Variants in CC2D2B observed in about 807,000 individuals in gnomAD.
CC2D2B encodes coiled-coil and C2 domain containing 2B.
In CC2D2B, 128 loss-of-function variants were observed where a neutral mutation model predicts 161.2. The observed-to-expected ratio is 0.79, with a 90% CI of 0.69 to 0.92. CC2D2B has a LOEUF of 0.92. Among genes scored for constraint, CC2D2B ranks in the 40% least tolerant of loss-of-function variants. CC2D2B has a pLI of 0.00. For synonymous variants in CC2D2B, 391 were observed against 449.8 expected, an observed-to-expected ratio of 0.87 and a Z score of 1.65; for missense variants, 1,173 against 1,375.1, an observed-to-expected ratio of 0.85 and a Z score of 2.32.
chr10:95,929,417 A>G (rs1294783210), intron 6 of CC2D2B, among the ~76,000 whole-genome samples: 1 of 152,086 alleles, frequency 6.6e-6, no homozygotes, highest in Non-Finnish European at 1.5e-5. Context: ...CCATTTGTCA[A>G]TTTTGGCTTT....
chr10:96,025,247 A>G (rs1342024572), intron 33 of CC2D2B, among the ~76,000 whole-genome samples: 2 of 131,198 alleles, frequency 1.5e-5, no homozygotes, highest in African/African-American at 5.9e-5. Context: ...ATATACCTGT[A>G]ATCTCAGTGA....
intron 10 of CC2D2B, 54 bp from the exon 11 acceptor site, chr10:95,955,340 C>A: frequency 2.5e-6 from 1 of 396,822 alleles, no homozygotes; most frequent in South Asian, 1.3e-4. Flanking sequence ...TGAACTGGAT[C>A]AATGGTAACA....
At chr10:95,923,954 G>A (rs910676611) in intron 3 of CC2D2B, among the ~76,000 whole-genome samples, 1 of 152,150 alleles carries the variant, frequency 6.6e-6, no homozygotes, top group African/African-American at 2.4e-5. Context: ...CCGGGAGGGG[G>A]AGGTTGCAGT....
chr10:96,002,314 T>C (rs899003851), intron 24 of CC2D2B, among the ~76,000 whole-genome samples: 2 of 152,154 alleles, frequency 1.3e-5, no homozygotes, highest in Non-Finnish European at 2.9e-5. Flanking sequence ...TCCCCTCTTC[T>C]TGTGACATTT....
chr10:96,001,589 G>A (rs1184175778), intron 24 of CC2D2B, among the ~76,000 whole-genome samples: 2 of 152,148 alleles, frequency 1.3e-5, no homozygotes, highest in African/African-American at 4.8e-5. Context: ...CCTTCTGAAA[G>A]TGAAAGGCTT....
intron 19 of CC2D2B, among the ~76,000 whole-genome samples, chr10:95,986,331 C>A (rs1334476998): frequency 1.4e-5 from 2 of 146,510 alleles, no homozygotes; most frequent in Non-Finnish European, 3.0e-5. Context: ...AAAGAACCTA[C>A]GTGAAATAAC....
At chr10:95,907,920 C>T (rs2098498845), upstream of CC2D2B, 2 of 152,462 alleles carry the variant, frequency 1.3e-5, no homozygotes, top group Admixed American at 1.3e-4. Context: ...GCTCCTGGGT[C>T]GCCGCTACTT....
At chr10:95,915,076 C>T (rs1489955770) in intron 2 of CC2D2B, among the ~76,000 whole-genome samples, 3 of 151,824 alleles carry the variant, frequency 2.0e-5, no homozygotes, top group Non-Finnish European at 4.4e-5. Flanking sequence ...TTTTGTGTAT[C>T]CTCTTCAGTT....
chr10:95,970,842 C>T (rs550785664), intron 15 of CC2D2B, among the ~76,000 whole-genome samples: 4 of 152,328 alleles, frequency 2.6e-5, no homozygotes, highest in African/African-American at 9.6e-5. Flanking sequence ...ATGCCTTTGT[C>T]AAAGGGACCA....
At chr10:95,980,329 T>C (rs956597905) in intron 17 of CC2D2B, among the ~76,000 whole-genome samples, 2 of 152,236 alleles carry the variant, frequency 1.3e-5, no homozygotes, top group Admixed American at 6.5e-5. Flanking sequence ...GGAATCATTG[T>C]AGCAAGGCTC....
chr10:95,952,540 T>C (rs1387251474), intron 10 of CC2D2B: 1 of 152,122 alleles, frequency 6.6e-6, no homozygotes, highest in Non-Finnish European at 1.5e-5. Flanking sequence ...ACCATATGTA[T>C]TATTTGGCAA....
At chr10:96,006,581 T>G (rs544424669) in intron 25 of CC2D2B, among the ~76,000 whole-genome samples, 7 of 152,254 alleles carry the variant, frequency 4.6e-5, no homozygotes, top group African/African-American at 1.7e-4. Context: ...CTATGACTGC[T>G]AATTAACATA....
At position 96,019,193 on chromosome 10, in the gene CC2D2B, T is replaced by C. The variant is rs781154369; in HGVS notation, c.3631-10T>C. On this transcript the variant is annotated splice_polypyrimidine_tract_variant and intron_variant, in intron 30 of 34. Transcript: ENST00000646931. ...ATCCACCAAAAATTACTTTCTTTTT[T>C]CTCATACAGGGGCATGTGGCTTATG... is the stretch of plus-strand genomic sequence containing the variant. 1.3e-6 allele frequency: 2 copies of C among 1,563,322 alleles called. No homozygotes were observed. Among genetic ancestry groups the C allele is most frequent in the East Asian group, 2.3e-5 (1 of 44,402 alleles).
intron 29 of CC2D2B, among the ~76,000 whole-genome samples, chr10:96,014,561 AAAAC>A (rs543479735): frequency 5.9e-5 from 9 of 152,336 alleles, no homozygotes; most frequent in African/African-American, 1.9e-4. Flanking sequence ...TCTTTGGAGT[AAAAC>A]AAACAAACAA....
chr10:96,029,261 T>TACAC (rs2079931470), intron 34 of CC2D2B, among the ~76,000 whole-genome samples: 2 of 53,460 alleles, frequency 3.7e-5, no homozygotes, highest in Non-Finnish European at 3.1e-5. Flanking sequence ...TATATATATA[T>TACAC]ATATATATAT....
At chr10:95,969,720 A>G (rs72813676) in intron 15 of CC2D2B, among the ~76,000 whole-genome samples, 2,350 of 152,254 alleles carry the variant, frequency 0.015, 25 homozygotes, top group Non-Finnish European at 0.027. Context: ...AAATTCCTAC[A>G]TTAAAAATAT....
intron 9 of CC2D2B, among the ~76,000 whole-genome samples, chr10:95,939,995 A>G (rs2141277923): frequency 6.6e-6 from 1 of 152,320 alleles, no homozygotes; most frequent in African/African-American, 2.4e-5. Flanking sequence ...TAATTGGCTC[A>G]TGATTCTACA....
rs2080105225 is a variant in CC2D2B at position 96,032,835 on chromosome 10, C to A, written c.*827C>A. 2.1e-6 allele frequency: 1 copy of A among 467,288 alleles called. No individual in the cohort carries two copies. Among genetic ancestry groups the A allele is most frequent in the Non-Finnish European group, 4.4e-6 (1 of 225,756 alleles). 28.9% of individuals were successfully genotyped at this position (467,288 alleles called of 1,614,324 possible). ...GAAATGGTCTTGACAAATCTCAGGA[C>A]TCTTTTTTTCCTTAGTGAGCAGCCC... On this transcript the variant is annotated 3_prime_UTR_variant, in exon 35 of 35. Transcript: ENST00000646931.
At chr10:95,978,175 A>G (rs1199034316) in intron 17 of CC2D2B, among the ~76,000 whole-genome samples, 1 of 152,238 alleles carries the variant, frequency 6.6e-6, no homozygotes, top group East Asian at 1.9e-4. Context: ...ACTATACTGT[A>G]TATGTGTGGA....
Sources: gnomAD v4.1 joint callset for allele counts (sites outside exome capture counted in the v4.1 genomes callset) on GRCh38, gnomAD v4.1.1 for gene constraint, MANE v1.5 for transcripts, NCBI Gene and HGNC (gene_info 2026-07-23, HGNC 2026-07-21) for gene names.